Variants in SSH2 observed in about 807,000 individuals in gnomAD.
SSH2 encodes protein phosphatase Slingshot homolog 2.
SSH2 carries 37 observed loss-of-function variants against 135.2 expected under a neutral mutation model. The observed-to-expected ratio is 0.27, with a 90% confidence interval of 0.21 to 0.36. The LOEUF (loss-of-function observed/expected upper bound fraction) is 0.36, where lower values mean the gene tolerates loss of function less well. SSH2 is among the 10% of genes least tolerant of loss of function. SSH2 has a pLI of 1.00. For synonymous variants in SSH2, 628 were observed against 646.2 expected, an observed-to-expected ratio of 0.97 and a Z score of 0.43; for missense variants, 1,408 against 1,765.3, an observed-to-expected ratio of 0.80 and a Z score of 3.63.
chr17:29,693,549 T>C (rs532061430), intron 5 of SSH2, among the ~76,000 whole-genome samples: 14 of 151,758 alleles, frequency 9.2e-5, no homozygotes, highest in African/African-American at 3.1e-4. Flanking sequence ...TGACCTCAAA[T>C]GATCTGCCCA....
intron 3 of SSH2, among the ~76,000 whole-genome samples, chr17:29,785,690 G>A (rs1433255117): frequency 6.6e-6 from 1 of 151,480 alleles, no homozygotes; most frequent in Non-Finnish European, 1.5e-5. Context: ...AGTAGGGATG[G>A]GGGTTTTGCC....
intron 11 of SSH2, among the ~76,000 whole-genome samples, chr17:29,657,202 A>G (rs2036817497): frequency 2.0e-5 from 3 of 150,978 alleles, no homozygotes; most frequent in South Asian, 2.1e-4. Context: ...CCTGACCTCA[A>G]GTGATCCGCC....
intron 1 of SSH2, among the ~76,000 whole-genome samples, chr17:29,927,584 T>G (rs1427712799): frequency 1.3e-5 from 2 of 152,240 alleles, no homozygotes; most frequent in East Asian, 3.8e-4. Context: ...CTCTCTATTT[T>G]AAAACAAACA....
At chr17:29,732,692 TAGA>T (rs772480978) in intron 3 of SSH2, among the ~76,000 whole-genome samples, 1 of 152,176 alleles carries the variant, frequency 6.6e-6, no homozygotes, top group East Asian at 1.9e-4. Context: ...CCATTAAAGA[TAGA>T]AGGAGGCTTC....
At chr17:29,845,637 G>C (rs1388646677) in intron 2 of SSH2, among the ~76,000 whole-genome samples, 2 of 152,152 alleles carry the variant, frequency 1.3e-5, no homozygotes, top group Admixed American at 1.3e-4. Context: ...GTCTGACTCT[G>C]CTGTCCAGGC....
At chr17:29,879,222 A>G (rs916977986) in intron 1 of SSH2, among the ~76,000 whole-genome samples, 1 of 152,226 alleles carries the variant, frequency 6.6e-6, no homozygotes, top group African/African-American at 2.4e-5. Context: ...TTTAAGTATT[A>G]TCATTTCCAT....
Position 29,900,935 on chromosome 17 carries a change from A to G in SSH2, c.63+29003T>C, listed in dbSNP as rs1156630084. On this transcript the variant is annotated intron_variant, in intron 1 of 15. Coordinates refer to ENST00000540801, the MANE Select transcript of SSH2 (RefSeq NM_001282129.2). ...AAAATGTGGCATATATACACCATGGAATACTATGCAGCCATAAAAAATGAT... is the reference window on the plus strand; with the variant it reads ...AAAATGTGGCATATATACACCATGGGATACTATGCAGCCATAAAAAATGAT... Among the ~76,000 whole-genome samples the G allele has an allele frequency of 2.0e-5, 3 of 152,208 alleles. No homozygotes were observed. In the East Asian group the frequency reaches 5.8e-4, roughly 29 times the overall value.
At chr17:29,811,540 G>C (rs902482744) in intron 2 of SSH2, among the ~76,000 whole-genome samples, 134 of 150,578 alleles carry the variant, frequency 8.9e-4, no homozygotes, top group African/African-American at 3.2e-3. Flanking sequence ...AAATAAGATA[G>C]AAATACTTAT....
At chr17:29,777,174 T>C (rs2041722284) in intron 3 of SSH2, among the ~76,000 whole-genome samples, 1 of 150,916 alleles carries the variant, frequency 6.6e-6, no homozygotes, top group Non-Finnish European at 1.5e-5. Context: ...ATCTCGCCAC[T>C]GCACTCCAGC....
intron 3 of SSH2, among the ~76,000 whole-genome samples, chr17:29,762,223 CAAAA>C (rs2041340477): frequency 6.6e-6 from 1 of 151,574 alleles, no homozygotes; most frequent in Admixed American, 6.6e-5. Context: ...GTCAAACAAA[CAAAA>C]AACAATTTAG....
chr17:29,890,398 A>G (rs2151443297), intron 1 of SSH2, among the ~76,000 whole-genome samples: 1 of 152,350 alleles, frequency 6.6e-6, no homozygotes, highest in African/African-American at 2.4e-5. Context: ...AAAGACAGAA[A>G]CAACCTAAAT....
intron 3 of SSH2, among the ~76,000 whole-genome samples, chr17:29,763,691 C>T (rs1472306899): frequency 6.6e-6 from 1 of 152,082 alleles, no homozygotes; most frequent in Non-Finnish European, 1.5e-5. Flanking sequence ...TACTTAATAT[C>T]TCTTGCATTT....
intron 14 of SSH2, among the ~76,000 whole-genome samples, chr17:29,641,281 T>C (rs912538814): frequency 6.6e-6 from 1 of 152,258 alleles, no homozygotes. Context: ...CAGTTTATTC[T>C]AACACTTCAT....
chr17:29,851,622 G>A (rs1270516365), intron 1 of SSH2, among the ~76,000 whole-genome samples: 2 of 151,688 alleles, frequency 1.3e-5, no homozygotes, highest in African/African-American at 4.8e-5. Context: ...TAATAATAAT[G>A]ATAAAAACTG....
intron 2 of SSH2, among the ~76,000 whole-genome samples, chr17:29,832,414 G>A (rs906873820): frequency 1.3e-4 from 19 of 151,710 alleles, no homozygotes; most frequent in African/African-American, 3.9e-4. Flanking sequence ...TTATAGGCGT[G>A]AGCCTGGCCC....
At chr17:29,793,580 A>G (rs1291010811) in intron 3 of SSH2, 4 of 202,300 alleles carry the variant, frequency 2.0e-5, no homozygotes, top group Non-Finnish European at 3.0e-5. Flanking sequence ...CCAATGTACC[A>G]TTGAAAAATC....
At chr17:29,716,164 T>C (rs1282723201) in intron 3 of SSH2, 2 of 195,164 alleles carry the variant, frequency 1.0e-5, no homozygotes, top group African/African-American at 2.4e-5. Context: ...CTACTTCTCC[T>C]CAGCCTGGAA....
chr17:29,866,115 AAAAGAAAG>A, intron 1 of SSH2: 1 of 152,828 alleles, frequency 6.5e-6, no homozygotes, highest in African/African-American at 2.4e-5. Flanking sequence ...AAAAAAAAAA[AAAAGAAAG>A]AAAAGAAATA....
chr17:29,728,125 T>G (rs968830783), intron 3 of SSH2, among the ~76,000 whole-genome samples: 5 of 152,130 alleles, frequency 3.3e-5, no homozygotes, highest in African/African-American at 1.2e-4. Flanking sequence ...ACTGTGCCCA[T>G]GCAGATGATA....
Sources: gnomAD v4.1 joint callset for allele counts (sites outside exome capture counted in the v4.1 genomes callset) on GRCh38, gnomAD v4.1.1 for gene constraint, MANE v1.5 for transcripts, NCBI Gene and HGNC (gene_info 2026-07-23, HGNC 2026-07-21) for gene names.